CTNNA3: variants seen among roughly 807,000 people sequenced by gnomAD.
CTNNA3 encodes catenin alpha 3.
A neutral mutation model predicts 95.7 loss-of-function variants in CTNNA3; 76 were observed. The observed-to-expected ratio is 0.79, with a 90% CI of 0.66 to 0.96. The LOEUF is 0.96. Ranked by LOEUF, CTNNA3 falls within the 40% of genes least tolerant of loss-of-function variation. The pLI, the probability that CTNNA3 is intolerant of heterozygous loss-of-function variation, is 0.00. For missense variants in CTNNA3, 1,191 were observed against 1,089.8 expected (o/e 1.09, Z -1.31); for synonymous variants, 431 against 374.4 (o/e 1.15, Z -1.74).
Position 66,016,761 on chromosome 10 carries a change from C to T in CTNNA3, c.2160-27964G>A, listed in dbSNP as rs184127787. Among the ~76,000 whole-genome samples the T allele has an allele frequency of 9.3e-3, 1,412 of 152,120 alleles. 13 individuals carry two copies. Among genetic ancestry groups the T allele is most frequent in the Non-Finnish European group, 0.013 (915 of 67,988 alleles). The stretch of plus-strand genomic sequence containing the variant: ...AAAAGAGATGTGCTTCTATTCTCAT[C>T]TAAAATATTAAGTTTTAAGGTAAAA... On this transcript the variant is annotated intron_variant, in intron 15 of 17. Transcript: ENST00000433211.
At chr10:67,226,690 T>C (rs976181325) in intron 5 of CTNNA3, among the ~76,000 whole-genome samples, 4 of 152,296 alleles carry the variant, frequency 2.6e-5, no homozygotes, top group East Asian at 3.9e-4. Flanking sequence ...AATTTACCAT[T>C]ACCAAGCCAC....
In CTNNA3 at chr10:67,061,567, T is replaced by C. The variant is rs76650672; in HGVS notation, c.1047+118750A>G. 5.9e-3 allele frequency among the ~76,000 whole-genome samples: 894 copies of C among 152,236 alleles called. 6 individuals carry two copies. The highest frequency in any genetic ancestry group is 0.02 in the African/African-American group (843 of 41,548). The stretch of plus-strand genomic sequence containing the variant: ...CTTAACAGGCATATCAAAAAATGAA[T>C]ATAAGGGCCAATAGGAAGGCTACCT... On this transcript the variant is annotated intron_variant, in intron 7 of 17. Transcript: ENST00000433211.
At chr10:67,295,038 C>A (rs1211915759) in intron 5 of CTNNA3, among the ~76,000 whole-genome samples, 1 of 152,142 alleles carries the variant, frequency 6.6e-6, no homozygotes, top group Non-Finnish European at 1.5e-5. Context: ...TAATTCACCC[C>A]AAAGATGCTA....
intron 11 of CTNNA3, among the ~76,000 whole-genome samples, chr10:66,510,411 G>C (rs1349589358): frequency 1.3e-5 from 2 of 151,738 alleles, no homozygotes; most frequent in Non-Finnish European, 2.9e-5. Flanking sequence ...ATTGTTATGT[G>C]CTAGGACTTC....
At chr10:66,644,323 T>A (rs531429512) in intron 9 of CTNNA3, among the ~76,000 whole-genome samples, 107 of 137,132 alleles carry the variant, frequency 7.8e-4, no homozygotes, top group Non-Finnish European at 1.5e-3. Context: ...TATATATATA[T>A]AAAATAATAC....
chr10:66,692,639 C>T (rs1328490032), intron 9 of CTNNA3, among the ~76,000 whole-genome samples: 1 of 152,080 alleles, frequency 6.6e-6, no homozygotes, highest in Non-Finnish European at 1.5e-5. Context: ...TCGAGAAGAG[C>T]AACTCCAAGA....
At chr10:66,311,509 C>G (rs2092020747) in intron 12 of CTNNA3, among the ~76,000 whole-genome samples, 1 of 152,146 alleles carries the variant, frequency 6.6e-6, no homozygotes, top group Non-Finnish European at 1.5e-5. Flanking sequence ...TGACAGTGAT[C>G]CAAACAGCCA....
intron 7 of CTNNA3, among the ~76,000 whole-genome samples, chr10:66,788,029 T>G (rs530768981): frequency 6.6e-6 from 1 of 152,210 alleles, no homozygotes; most frequent in East Asian, 1.9e-4. Flanking sequence ...TAAATATATA[T>G]GCTATTCTTC....
chr10:67,594,533 A>G (rs12256629), intron 3 of CTNNA3, among the ~76,000 whole-genome samples: 34,623 of 151,854 alleles, frequency 0.23, 7,286 homozygotes, highest in African/African-American at 0.56. Context: ...TTTCTAGTTT[A>G]TGTGCATAGA....
At chr10:67,632,312 T>TG in intron 2 of CTNNA3, among the ~76,000 whole-genome samples, 1 of 144,282 alleles carries the variant, frequency 6.9e-6, no homozygotes, top group East Asian at 2.0e-4. Flanking sequence ...TTAAATATAT[T>TG]AAAAAAAAAA....
At chr10:67,168,396 C>T (rs1211500284) in intron 7 of CTNNA3, among the ~76,000 whole-genome samples, 1 of 152,098 alleles carries the variant, frequency 6.6e-6, no homozygotes, top group Non-Finnish European at 1.5e-5. Flanking sequence ...AAAATACTGG[C>T]AAACCGAATC....
chr10:66,419,623 T>C (rs1050935365), intron 11 of CTNNA3, among the ~76,000 whole-genome samples: 4 of 152,182 alleles, frequency 2.6e-5, no homozygotes, highest in Non-Finnish European at 4.4e-5. Context: ...GGCATCATAC[T>C]ACCTGACTTC....
chr10:65,944,299 C>T (rs16922223), intron 17 of CTNNA3, among the ~76,000 whole-genome samples: 3,454 of 152,318 alleles, frequency 0.023, 132 homozygotes, highest in African/African-American at 0.079. Flanking sequence ...TAGCATACTC[C>T]GAGGCACTTA....
At chr10:67,065,660 C>T (rs1204615262) in intron 7 of CTNNA3, among the ~76,000 whole-genome samples, 2 of 151,972 alleles carry the variant, frequency 1.3e-5, no homozygotes, top group African/African-American at 2.4e-5. Context: ...CCTGGTCCTC[C>T]ATGCCCTTTC....
At chr10:67,482,780 A>C (rs1471235711) in intron 5 of CTNNA3, among the ~76,000 whole-genome samples, 1 of 152,098 alleles carries the variant, frequency 6.6e-6, no homozygotes, top group Non-Finnish European at 1.5e-5. Flanking sequence ...AATTTCCAAC[A>C]CTATATTGAA....
chr10:66,480,731 A>G (rs1286817339), intron 11 of CTNNA3, among the ~76,000 whole-genome samples: 2 of 152,010 alleles, frequency 1.3e-5, no homozygotes, highest in African/African-American at 4.8e-5. Flanking sequence ...CAGCCTCCTG[A>G]GTAGCTGGGA....
In CTNNA3 at chr10:66,014,107, A is replaced by AT. The variant is rs5785737; in HGVS notation, c.2160-25311dup. Among the ~76,000 whole-genome samples, 341 of 149,234 alleles carry AT rather than the reference A, an allele frequency of 2.3e-3. 2 individuals carry two copies. The highest frequency in any genetic ancestry group is 6.2e-3 in the African/African-American group (251 of 40,774). ...CCTTAGACCTTTCATTATACGCATA[A>AT]TTTTTTTTTTTTATTTTTATCATGG... On this transcript the variant is annotated intron_variant, in intron 15 of 17. Coordinates refer to ENST00000433211, the MANE Select transcript of CTNNA3 (RefSeq NM_013266.4).
At chr10:66,259,550 CA>C (rs560132376) in intron 13 of CTNNA3, among the ~76,000 whole-genome samples, 194 of 152,204 alleles carry the variant, frequency 1.3e-3, no homozygotes, top group African/African-American at 4.6e-3. Context: ...TCCCTATTAT[CA>C]AAAGTACATA....
chr10:66,536,869 ACT>A (rs977739670), intron 10 of CTNNA3, among the ~76,000 whole-genome samples: 2 of 151,938 alleles, frequency 1.3e-5, no homozygotes, highest in African/African-American at 4.8e-5. Flanking sequence ...TCTCTGTCAA[ACT>A]CTCTCTCTTC....
Sources: allele counts gnomAD v4.1 joint callset (sites outside exome capture counted in the v4.1 genomes callset), GRCh38; gene constraint gnomAD v4.1.1; transcripts MANE v1.5; gene names NCBI Gene and HGNC (gene_info 2026-07-23, HGNC 2026-07-21).